Variants in HMSD observed in about 807,000 individuals in gnomAD.
The protein encoded by HMSD is histocompatibility minor serpin domain containing, also known as serpin-like protein HMSD.
HMSD carries 13 observed loss-of-function variants against 10.0 expected under a neutral mutation model. That is an observed-to-expected ratio of 1.31 (90% CI 0.85 to 2.08). The LOEUF is 2.08. Among genes scored for constraint, HMSD ranks in the 30% most tolerant of loss-of-function variants. The probability of loss-of-function intolerance (pLI) is 0.00; values close to 1 mark genes in which losing one functional copy is unlikely to be tolerated. For missense variants in HMSD, 169 were observed against 166.3 expected, an observed-to-expected ratio of 1.02 and a Z score of -0.09; for synonymous variants, 51 against 54.2, an observed-to-expected ratio of 0.94 and a Z score of 0.26.
At chr18:63,957,875 A>G (rs938475395) in intron 3 of HMSD, among the ~76,000 whole-genome samples, 1 of 152,214 alleles carries the variant, frequency 6.6e-6, no homozygotes, top group Non-Finnish European at 1.5e-5. Context: ...ATCCCATACC[A>G]ATAGCAATAT....
In HMSD at chr18:63,961,017, T is replaced by C. The variant is rs1358086719; in HGVS notation, c.*662T>C. ...AAAGGTGGGGAATAATCAGCCCATA[T>C]GATTCTTCCACTGCAGAGAGAGCCT... On this transcript the variant is annotated 3_prime_UTR_variant, in exon 4 of 4. Coordinates refer to ENST00000408945, the MANE Select transcript of HMSD (RefSeq NM_001123366.2). 2 of 152,356 alleles carry C rather than the reference T, an allele frequency of 1.3e-5. No homozygotes were observed. The highest frequency in any genetic ancestry group is 4.8e-5 in the African/African-American group (2 of 41,460). The allele number at this position is 152,356 out of a possible 1,614,324, so 9.4% of individuals were successfully genotyped here.
At chr18:63,955,169 A>G (rs979922824) in intron 3 of HMSD, among the ~76,000 whole-genome samples, 4 of 152,230 alleles carry the variant, frequency 2.6e-5, no homozygotes, top group Non-Finnish European at 4.4e-5. Context: ...CTTCACATAT[A>G]AAAACTTTGC....
chr18:63,954,303 T>C (rs1174003908), intron 2 of HMSD, 105 bp from the exon 3 acceptor site: 2 of 797,380 alleles, frequency 2.5e-6, no homozygotes, highest in South Asian at 1.8e-5. Flanking sequence ...TTTTAAGCTG[T>C]AGTAAGCATC....
intron 1 of HMSD, among the ~76,000 whole-genome samples, chr18:63,951,947 T>C (rs2144755537): frequency 6.6e-6 from 1 of 152,124 alleles, no homozygotes; most frequent in East Asian, 1.9e-4. Context: ...CACCATGGAA[T>C]ACTATGCAGC....
downstream of HMSD, among the ~76,000 whole-genome samples, chr18:63,962,944 A>G (rs1214834785): frequency 6.6e-6 from 1 of 152,088 alleles, no homozygotes; most frequent in Non-Finnish European, 1.5e-5. Flanking sequence ...CTCACAGATC[A>G]TAGCATGGAC....
At position 63,967,088 on chromosome 18, in the gene HMSD, A is replaced by G. The variant is rs17072307; in HGVS notation, n.312+6813A>G. Among the ~76,000 whole-genome samples the G allele has an allele frequency of 0.015, 2,292 of 152,230 alleles. 122 individuals carry two copies. The East Asian group carries it at 0.18, about 12-fold the overall frequency. ...GCATATATGAAGTAACTTTTGCTAG[A>G]GTATATGGTCAGTCACTGAAGGATA... On this transcript the variant is annotated intron_variant and non_coding_transcript_variant, in intron 3 of 5. Coordinates refer to the HMSD transcript ENST00000481726.
intron 3 of HMSD, among the ~76,000 whole-genome samples, chr18:63,967,633 C>T (rs561598021): frequency 4.6e-5 from 7 of 152,124 alleles, no homozygotes; most frequent in Admixed American, 1.3e-4. Flanking sequence ...AGTCAGGAGC[C>T]GAGGGAGTCA....
chr18:63,965,644 C>A (rs545564407), downstream of HMSD, among the ~76,000 whole-genome samples: 9 of 152,330 alleles, frequency 5.9e-5, no homozygotes, highest in South Asian at 1.9e-3. Flanking sequence ...AGCAGAGGCT[C>A]TACAACATGT....
At chr18:63,965,974 C>T (rs1383494845), downstream of HMSD, among the ~76,000 whole-genome samples, 2 of 152,148 alleles carry the variant, frequency 1.3e-5, no homozygotes, top group African/African-American at 4.8e-5. Context: ...AGGGACCAAA[C>T]ATGGGGAGAA....
chr18:63,951,737 C>T (rs908131398), intron 1 of HMSD, among the ~76,000 whole-genome samples: 10 of 152,038 alleles, frequency 6.6e-5, no homozygotes, highest in African/African-American at 2.4e-4. Flanking sequence ...AAGTGAAGTA[C>T]GGTAAGTGAT....
At chr18:63,950,763 A>G (rs1169526486) in intron 1 of HMSD, among the ~76,000 whole-genome samples, 1 of 151,980 alleles carries the variant, frequency 6.6e-6, no homozygotes, top group Non-Finnish European at 1.5e-5. Flanking sequence ...CCAATGTAGG[A>G]CCAAACTGCA....
At chr18:63,958,200 G>A (rs1441613771) in intron 3 of HMSD, among the ~76,000 whole-genome samples, 1 of 152,174 alleles carries the variant, frequency 6.6e-6, no homozygotes, top group Non-Finnish European at 1.5e-5. Context: ...ATGAAAAGGT[G>A]ATATTTCATC....
At chr18:63,965,399 C>T (rs1490235282), downstream of HMSD, among the ~76,000 whole-genome samples, 3 of 152,198 alleles carry the variant, frequency 2.0e-5, no homozygotes, top group Non-Finnish European at 4.4e-5. Context: ...CGTTTAGAAA[C>T]CAAAGAGATC....
intron 2 of HMSD, among the ~76,000 whole-genome samples, chr18:63,953,889 G>A (rs899045978): frequency 2.0e-5 from 3 of 152,154 alleles, no homozygotes; most frequent in African/African-American, 4.8e-5. Context: ...TCTCGACCAC[G>A]GTAGCTGGGT....
chr18:63,952,730 T>G (rs2050337612), intron 1 of HMSD, among the ~76,000 whole-genome samples: 1 of 152,224 alleles, frequency 6.6e-6, no homozygotes, highest in Non-Finnish European at 1.5e-5. Flanking sequence ...TTAGTGAAAT[T>G]CTTTGAAATG....
intron 3 of HMSD, 39 bp from the exon 4 acceptor site, chr18:63,960,119 T>G: frequency 1.9e-6 from 3 of 1,576,170 alleles, no homozygotes; most frequent in Non-Finnish European, 2.6e-6. Flanking sequence ...ATATTAGTTG[T>G]TTCTGTAGCT....
chr18:63,959,821 C>T (rs1202807548), intron 3 of HMSD, among the ~76,000 whole-genome samples: 2 of 152,220 alleles, frequency 1.3e-5, no homozygotes, highest in East Asian at 3.9e-4. Context: ...TGATGGTCCA[C>T]TATTAGGTAC....
chr18:63,950,490 C>T (rs1002667926), intron 1 of HMSD, among the ~76,000 whole-genome samples: 16 of 129,294 alleles, frequency 1.2e-4, no homozygotes, highest in Middle Eastern at 4.9e-3. Context: ...ATAATGTTTA[C>T]AAGAAATGCT....
chr18:63,950,515 A>G (rs1350561049), intron 1 of HMSD, among the ~76,000 whole-genome samples: 1 of 151,578 alleles, frequency 6.6e-6, no homozygotes, highest in Non-Finnish European at 1.5e-5. Flanking sequence ...GATGATTCAT[A>G]TACGACTGCT....
Sources: allele counts gnomAD v4.1 joint callset (sites outside exome capture counted in the v4.1 genomes callset), GRCh38; gene constraint gnomAD v4.1.1; transcripts MANE v1.5; gene names NCBI Gene and HGNC (gene_info 2026-07-23, HGNC 2026-07-21).